Variants in EEF2K observed in about 807,000 individuals in gnomAD.
EEF2K encodes alternative protein EEF2K.
Under a neutral mutation model 93.8 loss-of-function variants are expected in EEF2K, and 70 were observed. That is an observed-to-expected ratio of 0.75 (90% CI 0.62 to 0.91). The LOEUF (loss-of-function observed/expected upper bound fraction) is 0.91. EEF2K is among the 40% of genes least tolerant of loss of function. The probability of loss-of-function intolerance (pLI) is 0.00; values close to 1 mark genes in which losing one functional copy is unlikely to be tolerated. For missense variants in EEF2K, 935 were observed against 972.9 expected, an observed-to-expected ratio of 0.96 and a Z score of 0.52; for synonymous variants, 376 against 380.8, an observed-to-expected ratio of 0.99 and a Z score of 0.15.
intron 15 of EEF2K, among the ~76,000 whole-genome samples, chr16:22,272,376 G>A (rs1282631378): frequency 2.6e-5 from 4 of 152,292 alleles, no homozygotes; most frequent in African/African-American, 4.8e-5. Context: ...ATTGATATGC[G>A]CTACAACACA....
chr16:22,219,714 T>C (rs939157756), intron 1 of EEF2K, among the ~76,000 whole-genome samples: 1 of 152,100 alleles, frequency 6.6e-6, no homozygotes, highest in African/African-American at 2.4e-5. Flanking sequence ...AATTAGCAAG[T>C]AGAAAGGAAA....
chr16:22,258,533 T>C lies in EEF2K; in HGVS notation c.1069T>C (p.Cys357Arg), dbSNP rs201198682. The C allele has an allele frequency of 6.2e-7, 1 of 1,613,908 alleles. No individual in the cohort carries two copies. Among genetic ancestry groups the C allele is most frequent in the Non-Finnish European group, 8.5e-7 (1 of 1,179,994 alleles). ...CATCTTGAGAGGAACAGAGGAAAAATGTGGGAGCCCCCAAGTAAGGACCCT... is the reference window on the plus strand; with the variant it reads ...CATCTTGAGAGGAACAGAGGAAAAACGTGGGAGCCCCCAAGTAAGGACCCT... ...KTILRGTEEK[C>R]GSPQVRTLSG... Residue 357 changes from cysteine (C) to arginine (R), a missense_variant, in exon 10 of 18, where the codon TGT becomes CGT. Cys to Arg is a radical substitution (Grantham distance 180). Transcript: ENST00000263026.
chr16:22,266,350 C>A (rs1176611086), intron 13 of EEF2K, 40 bp from the exon 14 acceptor site: 3 of 1,591,210 alleles, frequency 1.9e-6, no homozygotes, highest in Admixed American at 1.8e-5. Flanking sequence ...CTGCGTCCAC[C>A]CCCAGCCCCT....
chr16:22,251,395 G>A, intron 6 of EEF2K, 73 bp downstream of exon 6: 1 of 1,520,582 alleles, frequency 6.6e-7, no homozygotes, highest in Non-Finnish European at 8.8e-7. Context: ...AGAGGGCCAT[G>A]GTGAATCCCT....
rs529777108 is a variant in EEF2K at position 22,251,240 on chromosome 16, A to G, written c.536A>G (p.Asp179Gly). ...AKRYIEPVDRDVYFEDVRLQM... is the reference protein window; with the variant it reads ...AKRYIEPVDRGVYFEDVRLQM... ...CGCTACATCGAGCCCGTAGACCGGG[A>G]TGTGTACTTTGAGGACGTGCGTCTA... is the stretch of plus-strand genomic sequence containing the variant. The change falls in exon 6 of 18, where the codon GAT (aspartate) becomes GGT (glycine). Residue 179 changes from aspartate to glycine, a missense_variant. By Grantham distance (94) the Asp-to-Gly change is moderately conservative (BLOSUM62 -1). Transcript: ENST00000263026. The G allele has an allele frequency of 1.2e-4, 197 of 1,613,942 alleles. No homozygotes were observed. The highest frequency in any genetic ancestry group is 1.5e-4 in the Non-Finnish European group (181 of 1,180,026).
Position 22,257,511 on chromosome 16 carries a change from G to C in EEF2K, c.901+126G>C. On this transcript the variant is annotated intron_variant, in intron 8 of 17. Coordinates refer to ENST00000263026, the MANE Select transcript of EEF2K (RefSeq NM_013302.5). ...CGCTTTTTCAAGATCATGGAGATGGGAGCCTGGATGTCTGATGCCTCCCAG... is the reference window on the plus strand; with the variant it reads ...CGCTTTTTCAAGATCATGGAGATGGCAGCCTGGATGTCTGATGCCTCCCAG... 4.5e-6 allele frequency: 7 copies of C among 1,545,494 alleles called. No homozygotes were observed. The South Asian group carries it at 8.7e-5, about 19-fold the overall frequency.
chr16:22,226,514 C>CTTT (rs1393099761), intron 2 of EEF2K, among the ~76,000 whole-genome samples: 1 of 84,496 alleles, frequency 1.2e-5, no homozygotes, highest in African/African-American at 6.3e-5. Flanking sequence ...TTTCCTTCTT[C>CTTT]TTCTTTTTTT....
At chr16:22,212,723 G>A in intron 1 of EEF2K, among the ~76,000 whole-genome samples, 1 of 152,182 alleles carries the variant, frequency 6.6e-6, no homozygotes. Flanking sequence ...GCTGGACACA[G>A]TGGCTCACAC....
intron 2 of EEF2K, among the ~76,000 whole-genome samples, chr16:22,233,831 T>A (rs568043141): frequency 2.0e-5 from 3 of 152,318 alleles, no homozygotes; most frequent in East Asian, 3.9e-4. Context: ...CATAGCTCAC[T>A]GCATTGAAAT....
intron 11 of EEF2K, 102 bp from the exon 12 acceptor site, chr16:22,263,008 G>A: frequency 9.3e-7 from 1 of 1,080,032 alleles, no homozygotes; most frequent in Middle Eastern, 2.6e-4. Context: ...TTAGGTAATG[G>A]GACAGAGGGG....
chr16:22,207,021 C>T (rs1296353192), intron 1 of EEF2K, among the ~76,000 whole-genome samples: 1 of 152,202 alleles, frequency 6.6e-6, no homozygotes, highest in African/African-American at 2.4e-5. Context: ...TCGCTGCCTT[C>T]CTGTCCCCTG....
At chr16:22,275,502 C>T (rs928425760) in intron 16 of EEF2K, among the ~76,000 whole-genome samples, 4 of 151,352 alleles carry the variant, frequency 2.6e-5, no homozygotes, top group Admixed American at 6.6e-5. Flanking sequence ...GCCACTGTAC[C>T]CGGCTAATTT....
At chr16:22,244,889 A>C (rs560299371) in intron 3 of EEF2K, among the ~76,000 whole-genome samples, 159 bp downstream of exon 3, 1 of 152,290 alleles carries the variant, frequency 6.6e-6, no homozygotes, top group East Asian at 1.9e-4. Context: ...GGCCCGGTGC[A>C]TTACCTCACT....
intron 2 of EEF2K, among the ~76,000 whole-genome samples, chr16:22,231,232 C>T (rs1241054296): frequency 4.0e-5 from 6 of 150,162 alleles, no homozygotes; most frequent in Non-Finnish European, 7.4e-5. Flanking sequence ...GGGATTACAG[C>T]CGCCCGCCAC....
chr16:22,250,408 G>A (rs145812063), intron 4 of EEF2K, among the ~76,000 whole-genome samples: 17 of 152,138 alleles, frequency 1.1e-4, no homozygotes, highest in Middle Eastern at 3.4e-3. Flanking sequence ...TCCTGCCCCC[G>A]TGGATTCTTC....
intron 6 of EEF2K, among the ~76,000 whole-genome samples, chr16:22,255,738 G>A (rs753461729): frequency 1.3e-4 from 19 of 151,878 alleles, no homozygotes; most frequent in Non-Finnish European, 2.2e-4. Flanking sequence ...GTGAGACCTC[G>A]TCTCTATAAA....
At chr16:22,214,638 C>T (rs896990772) in intron 1 of EEF2K, among the ~76,000 whole-genome samples, 7 of 152,062 alleles carry the variant, frequency 4.6e-5, no homozygotes, top group African/African-American at 1.7e-4. Flanking sequence ...GCACTCCAGC[C>T]TGGCCAACAG....
chr16:22,230,215 CCTT>C (rs770674467), intron 2 of EEF2K, among the ~76,000 whole-genome samples: 15 of 152,056 alleles, frequency 9.9e-5, no homozygotes, highest in Non-Finnish European at 1.9e-4. Flanking sequence ...ATGTTTCTTT[CCTT>C]CTTTTTTTTT....
intron 1 of EEF2K, among the ~76,000 whole-genome samples, chr16:22,222,963 A>G (rs890590112): frequency 2.0e-5 from 3 of 152,042 alleles, no homozygotes; most frequent in African/African-American, 7.2e-5. Context: ...CATCAACTCA[A>G]AAGAAACCCC....
Sources: gnomAD v4.1 joint callset for allele counts (sites outside exome capture counted in the v4.1 genomes callset) on GRCh38, gnomAD v4.1.1 for gene constraint, MANE v1.5 for transcripts, NCBI Gene and HGNC (gene_info 2026-07-23, HGNC 2026-07-21) for gene names.